PIP5K1C: variants seen among roughly 807,000 people sequenced by gnomAD.
PIP5K1C encodes the protein phosphatidylinositol 4-phosphate 5-kinase type-1 gamma.
Under a neutral mutation model 80.1 loss-of-function variants are expected in PIP5K1C, and 45 were observed. The observed-to-expected ratio is 0.56, with a 90% confidence interval of 0.44 to 0.72. PIP5K1C has a LOEUF of 0.72. Ranked by LOEUF, PIP5K1C falls within the 30% of genes least tolerant of loss-of-function variation. The pLI is 0.00. For missense variants in PIP5K1C, 753 were observed against 954.6 expected, an observed-to-expected ratio of 0.79 and a Z score of 2.78; for synonymous variants, 498 against 420.1, an observed-to-expected ratio of 1.19 and a Z score of -2.27.
At chr19:3,654,913 G>A (rs1186271562) in intron 6 of PIP5K1C, among the ~76,000 whole-genome samples, 1 of 151,752 alleles carries the variant, frequency 6.6e-6, no homozygotes, top group Non-Finnish European at 1.5e-5. Flanking sequence ...CAGGAGACCA[G>A]CTTGACCAAC....
At chr19:3,661,168 A>T in intron 4 of PIP5K1C, 85 bp from the exon 5 acceptor site, 1 of 885,862 alleles carries the variant, frequency 1.1e-6, no homozygotes, top group South Asian at 1.4e-5. Context: ...TAGTGCCTCT[A>T]GCAGCTGAGC....
chr19:3,658,653 G>A (rs912502195), intron 5 of PIP5K1C, among the ~76,000 whole-genome samples: 9 of 152,216 alleles, frequency 5.9e-5, no homozygotes, highest in African/African-American at 1.7e-4. Flanking sequence ...CCAAGCAGCC[G>A]GAGTGTCCCT....
intron 11 of PIP5K1C, 100 bp downstream of exon 11, chr19:3,645,874 G>A (rs1357649175): frequency 5.6e-6 from 5 of 891,340 alleles, no homozygotes; most frequent in South Asian, 1.3e-5. Context: ...TTACTGCCCT[G>A]CCCAGGGGGC....
chr19:3,688,432 C>T lies in PIP5K1C; in HGVS notation c.94+11865G>A, dbSNP rs926374512. The stretch of plus-strand genomic sequence containing the variant: ...GTGGGCGGGGAGGGATCTAGAAGAC[C>T]GGAAGGCTATTTCCAGGGCAGCACC... On this transcript the variant is annotated intron_variant, in intron 1 of 17. Transcript: ENST00000335312. The surrounding 1 kb of genome is among the most constrained non-coding windows in gnomAD (Gnocchi z 5.3). 3.3e-5 allele frequency among the ~76,000 whole-genome samples: 5 copies of T among 152,124 alleles called. No homozygotes were observed. Among genetic ancestry groups the T allele is most frequent in the Non-Finnish European group, 5.9e-5 (4 of 68,000 alleles).
intron 1 of PIP5K1C, among the ~76,000 whole-genome samples, chr19:3,671,856 G>A (rs2035216697): frequency 6.6e-6 from 1 of 152,246 alleles, no homozygotes; most frequent in African/African-American, 2.4e-5. Flanking sequence ...ATGACGGTGA[G>A]CTCTGCTCAG....
Position 3,641,763 on chromosome 19 carries a change from C to T in PIP5K1C, c.1729G>A (p.Val577Met), listed in dbSNP as rs1439517915. The T allele has an allele frequency of 1.2e-6, 2 of 1,611,962 alleles. No individual in the cohort carries two copies. The highest frequency in any genetic ancestry group is 1.7e-6 in the Non-Finnish European group (2 of 1,180,018). ...PAEEDLQQIT[V>M]QVEPACSVEI... is the part of the protein sequence containing the mutation. ...ACGCTGCACGCAGGCTCCACCTGCA[C>T]TGTAATCTGCTGCAGATCCTCTTCC... Residue 577 changes from valine (V) to methionine (M), a missense_variant, in exon 15 of 18, where the codon GTG becomes ATG. Physicochemically the swap from Val to Met is conservative, Grantham distance 21. Coordinates refer to ENST00000335312, the MANE Select transcript of PIP5K1C (RefSeq NM_012398.3).
chr19:3,662,474 CGCT>C (rs1435394879), intron 3 of PIP5K1C, among the ~76,000 whole-genome samples: 11 of 152,228 alleles, frequency 7.2e-5, no homozygotes, highest in African/African-American at 2.4e-4. Context: ...CCCACATGGC[CGCT>C]ATGTGCCTCA....
chr19:3,661,390 A>G (rs1011052339), intron 4 of PIP5K1C, among the ~76,000 whole-genome samples: 2 of 152,346 alleles, frequency 1.3e-5, no homozygotes, highest in East Asian at 1.9e-4. Flanking sequence ...CACTCAGCCA[A>G]TGACACGAGT....
At chr19:3,659,629 T>C (rs2034761159) in intron 5 of PIP5K1C, among the ~76,000 whole-genome samples, 2 of 151,736 alleles carry the variant, frequency 1.3e-5, no homozygotes, top group Admixed American at 1.3e-4. Flanking sequence ...AGGCAAACGC[T>C]GGGACACTGA....
At chr19:3,644,346 T>G in intron 11 of PIP5K1C, 95 bp from the exon 12 acceptor site, 1 of 1,275,932 alleles carries the variant, frequency 7.8e-7, no homozygotes. Context: ...CACGTCCCTG[T>G]GGCCCACCAG....
chr19:3,657,766 A>G (rs2034687123), intron 5 of PIP5K1C, among the ~76,000 whole-genome samples: 1 of 150,648 alleles, frequency 6.6e-6, no homozygotes, highest in South Asian at 2.1e-4. Flanking sequence ...TCTGTACTAA[A>G]AAAAAAAAAG....
chr19:3,674,949 C>G (rs1217014431), intron 1 of PIP5K1C, among the ~76,000 whole-genome samples: 1 of 152,132 alleles, frequency 6.6e-6, no homozygotes, highest in Non-Finnish European at 1.5e-5. Flanking sequence ...GGCCACAGCA[C>G]GGATGCACCT....
chr19:3,653,628 G>GCC (rs757667030), intron 6 of PIP5K1C, 39 bp from the exon 7 acceptor site: 10 of 1,576,674 alleles, frequency 6.3e-6, no homozygotes, highest in Non-Finnish European at 8.6e-6. Context: ...GGGCGGCTGG[G>GCC]CCACAGACTC....
intron 16 of PIP5K1C, chr19:3,638,102 A>C (rs1330742269): frequency 3.6e-6 from 5 of 1,399,290 alleles, no homozygotes; most frequent in Non-Finnish European, 4.7e-6. Flanking sequence ...CCTCCTTCCC[A>C]GGGGGTGCAG....
In PIP5K1C at chr19:3,647,402, C is replaced by G. The variant is rs538274896; in HGVS notation, c.1212-16G>C. 1 of 1,574,702 alleles carries G rather than the reference C, an allele frequency of 6.4e-7. No homozygotes were observed. Among genetic ancestry groups the G allele is most frequent in the Admixed American group, 1.8e-5 (1 of 55,670 alleles). ...CTTGATGAACCTGTGGAGAGAGCAC[C>G]CGGAGTGGCAGCTGACATCAGCCAA... is the stretch of plus-strand genomic sequence containing the variant. On this transcript the variant is annotated splice_polypyrimidine_tract_variant and intron_variant, in intron 9 of 17. Transcript: ENST00000335312.
intron 1 of PIP5K1C, among the ~76,000 whole-genome samples, chr19:3,667,817 C>T (rs372168877): frequency 4.9e-4 from 74 of 152,226 alleles, no homozygotes; most frequent in Non-Finnish European, 9.7e-4. Flanking sequence ...CGGAGGCAGG[C>T]GCCAGGAGAG....
At chr19:3,700,166 C>T (rs2036252316) in intron 1 of PIP5K1C, 131 bp downstream of exon 1, 1 of 394,524 alleles carries the variant, frequency 2.5e-6, no homozygotes, top group Non-Finnish European at 3.6e-6. Context: ...GGGACTGCCC[C>T]GCCCCAGGCT....
chr19:3,667,363 A>T lies in PIP5K1C; in HGVS notation c.95-10T>A. ...TTCTTCTGAGCCAAACCTGCAGAAG[A>T]GACAAGCTGGGTATCAGACAGGAAA... On this transcript the variant is annotated splice_polypyrimidine_tract_variant and intron_variant, in intron 1 of 17. Transcript: ENST00000335312. The T allele has an allele frequency of 6.2e-7, 1 of 1,612,910 alleles. No individual in the cohort carries two copies. The highest frequency in any genetic ancestry group is 8.5e-7 in the Non-Finnish European group (1 of 1,179,882).
At chr19:3,663,126 A>G (rs2034892513) in intron 3 of PIP5K1C, among the ~76,000 whole-genome samples, 1 of 152,148 alleles carries the variant, frequency 6.6e-6, no homozygotes, top group Admixed American at 6.5e-5. Flanking sequence ...TCGGCCTCCC[A>G]AAGTGCTAGG....
Sources: allele counts gnomAD v4.1 joint callset (sites outside exome capture counted in the v4.1 genomes callset), GRCh38; gene constraint gnomAD v4.1.1; non-coding constraint Gnocchi (gnomAD v3.1); transcripts MANE v1.5; gene names NCBI Gene and HGNC (gene_info 2026-07-23, HGNC 2026-07-21).